Variants in SRGAP3 observed in about 807,000 individuals in gnomAD.
SRGAP3 encodes the protein SLIT-ROBO Rho GTPase-activating protein 3.
A neutral mutation model predicts 121.1 loss-of-function variants in SRGAP3; 39 were observed. The ratio of observed to expected loss-of-function variants is 0.32; its 90% CI spans 0.25 to 0.42. The LOEUF (loss-of-function observed/expected upper bound fraction) is 0.42, where lower values mean the gene tolerates loss of function less well. Among genes scored for constraint, SRGAP3 ranks in the 10% least tolerant of loss-of-function variants. SRGAP3 has a pLI of 1.00. For missense variants in SRGAP3, 1,213 were observed against 1,470.6 expected (o/e 0.82, Z 2.86); for synonymous variants, 601 against 570.0 (o/e 1.05, Z -0.77).
At chr3:9,071,844 G>A (rs1946738468) in intron 4 of SRGAP3, among the ~76,000 whole-genome samples, 2 of 152,052 alleles carry the variant, frequency 1.3e-5, no homozygotes, top group African/African-American at 4.8e-5. Flanking sequence ...TTATGTGTCA[G>A]GTACTATACC....
intron 4 of SRGAP3, among the ~76,000 whole-genome samples, chr3:9,071,728 G>A (rs1370700684): frequency 6.6e-6 from 1 of 152,098 alleles, no homozygotes; most frequent in African/African-American, 2.4e-5. Flanking sequence ...GGAAGAGAAG[G>A]AAGGAGGGAA....
intron 1 of SRGAP3, among the ~76,000 whole-genome samples, chr3:9,164,742 G>C (rs1575170816): frequency 6.6e-6 from 1 of 152,160 alleles, no homozygotes; most frequent in African/African-American, 2.4e-5. Flanking sequence ...AGGTATTTCA[G>C]GTAAATATCA....
chr3:9,000,466 C>T (rs1395370759), intron 18 of SRGAP3, among the ~76,000 whole-genome samples: 1 of 152,168 alleles, frequency 6.6e-6, no homozygotes, highest in Non-Finnish European at 1.5e-5. Flanking sequence ...AGAGATTTTC[C>T]CATGGGGGAG....
intron 1 of SRGAP3, among the ~76,000 whole-genome samples, chr3:9,225,996 C>T (rs914318362): frequency 1.3e-5 from 2 of 152,146 alleles, no homozygotes; most frequent in African/African-American, 2.4e-5. Context: ...CAGTACAGGC[C>T]AAATAAAACA....
At chr3:9,038,969 A>G (rs564480428) in intron 10 of SRGAP3, among the ~76,000 whole-genome samples, 3 of 152,110 alleles carry the variant, frequency 2.0e-5, no homozygotes, top group South Asian at 2.1e-4. Flanking sequence ...TTACAGCACA[A>G]TTCCCTGAAG....
chr3:9,279,600 A>ACCTC (rs1559257207), intron 3 of SRGAP3, among the ~76,000 whole-genome samples: 2 of 147,786 alleles, frequency 1.4e-5, no homozygotes, highest in East Asian at 3.9e-4. Flanking sequence ...AGCCACCTCA[A>ACCTC]CCTCCCGGGT....
In SRGAP3 at chr3:8,990,633, C is replaced by G; in HGVS notation, c.2765G>C (p.Ser922Thr). Reference protein sequence around the residue: ...RRMATFGSAGSINYPDKKALS... With the variant: ...RRMATFGSAGTINYPDKKALS... ...CGCCTTCTTGTCAGGGTAGTTGATG[C>G]TGCCAGCGCTCCCGAACGTCGCCAT... The change falls in exon 21 of 22, where the codon AGC becomes ACC. Residue 922 changes from serine (S) to threonine (T), a missense_variant. Ser to Thr is a moderately conservative substitution (Grantham distance 58). Coordinates refer to ENST00000383836, the MANE Select transcript of SRGAP3 (RefSeq NM_014850.4). The G allele has an allele frequency of 6.2e-7, 1 of 1,613,480 alleles. No homozygotes were observed. Among genetic ancestry groups the G allele is most frequent in the Non-Finnish European group, 8.5e-7 (1 of 1,179,888 alleles).
intron 14 of SRGAP3, among the ~76,000 whole-genome samples, chr3:9,021,424 T>C (rs1179111070): frequency 2.0e-5 from 3 of 152,040 alleles, no homozygotes; most frequent in Non-Finnish European, 4.4e-5. Context: ...TGTTTTTTTT[T>C]CTCTCTCTCC....
At chr3:9,348,633 C>T in intron 1 of SRGAP3, 1 of 1,043,718 alleles carries the variant, frequency 9.6e-7, no homozygotes, top group Non-Finnish European at 1.5e-6. Context: ...GAGAGTGATC[C>T]AGACCCTCTG....
intron 4 of SRGAP3, among the ~76,000 whole-genome samples, chr3:9,073,025 C>T (rs1416709643): frequency 6.6e-6 from 1 of 152,238 alleles, no homozygotes; most frequent in African/African-American, 2.4e-5. Context: ...TACAACACTG[C>T]TTGATTTTCA....
At chr3:9,290,026 G>T (rs550221512) in intron 3 of SRGAP3, among the ~76,000 whole-genome samples, 1 of 152,126 alleles carries the variant, frequency 6.6e-6, no homozygotes, top group South Asian at 2.1e-4. Context: ...CAGGAGAATC[G>T]CTTGAACTCA....
At chr3:9,275,060 C>G (rs1486752484) in intron 3 of SRGAP3, among the ~76,000 whole-genome samples, 1 of 152,174 alleles carries the variant, frequency 6.6e-6, no homozygotes, top group Admixed American at 6.5e-5. Context: ...TCACCAGGGA[C>G]CTGCCCTCTT....
intron 5 of SRGAP3, among the ~76,000 whole-genome samples, chr3:9,063,470 T>A (rs2125204826): frequency 6.6e-6 from 1 of 152,078 alleles, no homozygotes; most frequent in East Asian, 1.9e-4. Context: ...TCATACATGT[T>A]TTTTTAAGAG....
At chr3:9,023,834 C>T (rs1944048902) in intron 14 of SRGAP3, among the ~76,000 whole-genome samples, 1 of 152,144 alleles carries the variant, frequency 6.6e-6, no homozygotes, top group Non-Finnish European at 1.5e-5. Context: ...AAACGAAGCT[C>T]CCCTAGACCC....
At chr3:9,127,446 TTA>T (rs1949278902) in intron 1 of SRGAP3, among the ~76,000 whole-genome samples, 1 of 152,128 alleles carries the variant, frequency 6.6e-6, no homozygotes, top group South Asian at 2.1e-4. Flanking sequence ...TAGTAAAATT[TTA>T]TTGTTTGTTT....
At chr3:9,226,933 G>T (rs879273674) in intron 1 of SRGAP3, among the ~76,000 whole-genome samples, 27 of 152,122 alleles carry the variant, frequency 1.8e-4, no homozygotes, top group Non-Finnish European at 2.9e-4. Context: ...AACCCCGTCT[G>T]CAGGAAATGA....
chr3:9,068,326 T>A (rs1013032317), intron 4 of SRGAP3, among the ~76,000 whole-genome samples: 1 of 152,158 alleles, frequency 6.6e-6, no homozygotes, highest in Non-Finnish European at 1.5e-5. Flanking sequence ...TTCCCACATA[T>A]CCTTTGCCTA....
At chr3:9,256,044 C>G (rs369179766) in intron 3 of SRGAP3, among the ~76,000 whole-genome samples, 6 of 152,260 alleles carry the variant, frequency 3.9e-5, no homozygotes, top group Admixed American at 2.6e-4. Context: ...GTACCAGGCT[C>G]TACCGAGAGA....
chr3:9,333,249 C>T (rs1955639479), intron 1 of SRGAP3, among the ~76,000 whole-genome samples: 1 of 152,136 alleles, frequency 6.6e-6, no homozygotes, highest in Non-Finnish European at 1.5e-5. Context: ...CCAAAAAATA[C>T]TGTAGTGGTG....
Sources: gnomAD v4.1 joint callset for allele counts (sites outside exome capture counted in the v4.1 genomes callset) on GRCh38, gnomAD v4.1.1 for gene constraint, MANE v1.5 for transcripts, NCBI Gene and HGNC (gene_info 2026-07-23, HGNC 2026-07-21) for gene names.